ZMAT4: variants seen among roughly 807,000 people sequenced by gnomAD.
The protein encoded by ZMAT4 is zinc finger matrin-type protein 4.
ZMAT4 carries 17 observed loss-of-function variants against 28.7 expected under a neutral mutation model. That is an observed-to-expected ratio of 0.59 (90% CI 0.41 to 0.89). The LOEUF (loss-of-function observed/expected upper bound fraction) is 0.89, where lower values mean the gene tolerates loss of function less well. Among genes scored for constraint, ZMAT4 ranks in the 40% least tolerant of loss-of-function variants. The probability of loss-of-function intolerance (pLI) is 0.00; values close to 1 mark genes in which losing one functional copy is unlikely to be tolerated. For synonymous variants in ZMAT4, 117 were observed against 109.2 expected (o/e 1.07, Z -0.44); for missense variants, 240 against 283.8 (o/e 0.85, Z 1.11).
intron 4 of ZMAT4, among the ~76,000 whole-genome samples, chr8:40,681,006 G>T (rs1401013570): frequency 6.6e-6 from 1 of 152,166 alleles, no homozygotes. Context: ...CTTCCCAGTT[G>T]TGTGATATTG....
At chr8:40,886,849 A>G (rs1666949874) in intron 1 of ZMAT4, among the ~76,000 whole-genome samples, 1 of 151,334 alleles carries the variant, frequency 6.6e-6, no homozygotes, top group African/African-American at 2.4e-5. Flanking sequence ...CTGCTTGAAC[A>G]CTTGTGATTG....
intron 5 of ZMAT4, among the ~76,000 whole-genome samples, chr8:40,653,307 G>T (rs1309833648): frequency 6.6e-6 from 1 of 151,754 alleles, no homozygotes; most frequent in Non-Finnish European, 1.5e-5. Context: ...ACATAAGAAA[G>T]ATCTCAATTC....
At chr8:40,671,148 G>A (rs1170610263) in intron 5 of ZMAT4, among the ~76,000 whole-genome samples, 1 of 151,800 alleles carries the variant, frequency 6.6e-6, no homozygotes, top group Admixed American at 6.6e-5. Context: ...CCTCCTATAT[G>A]CACTAAAATG....
intron 2 of ZMAT4, among the ~76,000 whole-genome samples, chr8:40,824,289 T>TA (rs1815939027): frequency 6.6e-6 from 1 of 151,960 alleles, no homozygotes; most frequent in Non-Finnish European, 1.5e-5. Flanking sequence ...AAAATAAAAG[T>TA]AAAAAATTAG....
intron 6 of ZMAT4, among the ~76,000 whole-genome samples, chr8:40,551,829 G>C (rs1803377339): frequency 6.6e-6 from 1 of 152,158 alleles, no homozygotes; most frequent in African/African-American, 2.4e-5. Flanking sequence ...GTTGTGGCAT[G>C]ATAAAGTTTG....
At chr8:40,629,440 T>A (rs553963977) in intron 5 of ZMAT4, among the ~76,000 whole-genome samples, 3 of 151,840 alleles carry the variant, frequency 2.0e-5, no homozygotes, top group Non-Finnish European at 2.9e-5. Context: ...AGTTTTAGGG[T>A]ACATGTGCAC....
chr8:40,855,050 A>G (rs1258672081), intron 1 of ZMAT4, among the ~76,000 whole-genome samples: 1 of 152,110 alleles, frequency 6.6e-6, no homozygotes, highest in Non-Finnish European at 1.5e-5. Context: ...TACACCAACA[A>G]TATCTGAAAC....
intron 3 of ZMAT4, among the ~76,000 whole-genome samples, chr8:40,720,146 A>T (rs1811017359): frequency 6.6e-6 from 1 of 152,180 alleles, no homozygotes; most frequent in Non-Finnish European, 1.5e-5. Context: ...CATGTTATTT[A>T]GTCTCAGAAA....
intron 5 of ZMAT4, among the ~76,000 whole-genome samples, chr8:40,612,188 T>C (rs1224414479): frequency 6.6e-6 from 1 of 152,224 alleles, no homozygotes. Flanking sequence ...CAGTTCATTA[T>C]ATATTATGAA....
intron 2 of ZMAT4, among the ~76,000 whole-genome samples, chr8:40,809,203 C>A (rs1184709529): frequency 6.6e-6 from 1 of 152,146 alleles, no homozygotes; most frequent in Non-Finnish European, 1.5e-5. Flanking sequence ...AATGCAGGAA[C>A]AGAAAACCAA....
chr8:40,630,454 G>A (rs1073640), intron 5 of ZMAT4, among the ~76,000 whole-genome samples: 73,140 of 152,056 alleles, frequency 0.48, 19,248 homozygotes, highest in Non-Finnish European at 0.6. Context: ...CAAAGAGGTC[G>A]CTTTACTTTC....
At chr8:40,706,200 G>A (rs1281362390) in intron 3 of ZMAT4, among the ~76,000 whole-genome samples, 1 of 152,082 alleles carries the variant, frequency 6.6e-6, no homozygotes, top group South Asian at 2.1e-4. Flanking sequence ...CTACAGAAAT[G>A]TACCACCATG....
intron 6 of ZMAT4, 122 bp downstream of exon 6, chr8:40,581,043 G>T: frequency 1.4e-6 from 1 of 726,866 alleles, no homozygotes. Flanking sequence ...TGTGAACTTT[G>T]AAGCAAAAGA....
At chr8:40,858,298 T>A (rs904618500) in intron 1 of ZMAT4, among the ~76,000 whole-genome samples, 2 of 152,188 alleles carry the variant, frequency 1.3e-5, no homozygotes, top group African/African-American at 2.4e-5. Flanking sequence ...TCACCTTTTA[T>A]GAAACACTCT....
At chr8:40,887,771 C>G (rs1818515687) in intron 1 of ZMAT4, among the ~76,000 whole-genome samples, 1 of 152,146 alleles carries the variant, frequency 6.6e-6, no homozygotes, top group African/African-American at 2.4e-5. Context: ...TCGGCTCCCC[C>G]TCCCTTCGGT....
chr8:40,537,193 T>A (rs1802874632), intron 6 of ZMAT4, among the ~76,000 whole-genome samples: 1 of 152,160 alleles, frequency 6.6e-6, no homozygotes, highest in African/African-American at 2.4e-5. Context: ...GAGGCAGGAC[T>A]TTGGACCCTA....
chr8:40,773,556 A>C (rs13276178), intron 2 of ZMAT4, among the ~76,000 whole-genome samples: 124,411 of 151,938 alleles, frequency 0.82, 52,464 homozygotes, highest in Non-Finnish European at 0.94. Context: ...TTGAGAAACT[A>C]TCAAGGAAAT....
At chr8:40,727,022 T>C (rs1305721634) in intron 3 of ZMAT4, among the ~76,000 whole-genome samples, 2 of 152,130 alleles carry the variant, frequency 1.3e-5, no homozygotes, top group African/African-American at 2.4e-5. Context: ...TTCGGAAGGA[T>C]ACTTTCAAGT....
At chr8:40,765,725 A>G (rs898507223) in intron 3 of ZMAT4, among the ~76,000 whole-genome samples, 8 of 152,180 alleles carry the variant, frequency 5.3e-5, no homozygotes, top group African/African-American at 1.9e-4. Context: ...GGCAAGGACC[A>G]TCTTGAGCCT....
Sources: gnomAD v4.1 joint callset for allele counts (sites outside exome capture counted in the v4.1 genomes callset) on GRCh38, gnomAD v4.1.1 for gene constraint, MANE v1.5 for transcripts, NCBI Gene and HGNC (gene_info 2026-07-23, HGNC 2026-07-21) for gene names.